DOCK9: variants seen among roughly 807,000 people sequenced by gnomAD.
The protein encoded by DOCK9 is dedicator of cytokinesis protein 9.
DOCK9 carries 89 observed loss-of-function variants against 263.3 expected under a neutral mutation model. That is an observed-to-expected ratio of 0.34 (90% confidence interval 0.28 to 0.40). The LOEUF (loss-of-function observed/expected upper bound fraction) is 0.40, where lower values mean the gene tolerates loss of function less well. Among genes scored for constraint, DOCK9 ranks in the 10% least tolerant of loss-of-function variants. The pLI, the probability that DOCK9 is intolerant of heterozygous loss-of-function variation, is 1.00. For missense variants in DOCK9, 2,140 were observed against 2,603.4 expected (o/e 0.82, Z 3.87); for synonymous variants, 976 against 973.1 (o/e 1.00, Z -0.06).
intron 1 of DOCK9, chr13:99,015,878 T>C (rs1885331805): frequency 1.3e-6 from 1 of 785,202 alleles, no homozygotes; most frequent in Non-Finnish European, 1.6e-6. Context: ...AAAGTATCGT[T>C]TTTCTAGCTG....
At chr13:98,974,067 C>CT (rs1249135140) in intron 1 of DOCK9, among the ~76,000 whole-genome samples, 5 of 152,050 alleles carry the variant, frequency 3.3e-5, no homozygotes, top group Admixed American at 6.6e-5. Flanking sequence ...ATAACCCAGC[C>CT]TTTTTTGGCA....
At position 98,882,805 on chromosome 13, in the gene DOCK9, AACAGT is replaced by A. The variant is rs141941559; in HGVS notation, c.2559+232_2559+236del. Among the ~76,000 whole-genome samples the A allele has an allele frequency of 3.1e-3, 479 of 152,302 alleles. 2 individuals carry two copies. Among genetic ancestry groups the A allele is most frequent in the African/African-American group, 0.011 (454 of 41,548 alleles). On this transcript the variant is annotated intron_variant, in intron 23 of 52. Transcript: ENST00000682017. ...AGTGAGGGGTTTTCCATGCGTGAGAAACAGTATGTTTTAGAGATCCTGCCTTGAGC... is the reference window on the plus strand; with the variant it reads ...AGTGAGGGGTTTTCCATGCGTGAGAAATGTTTTAGAGATCCTGCCTTGAGC...
chr13:98,871,566 T>C (rs988741503), intron 27 of DOCK9, among the ~76,000 whole-genome samples: 6 of 152,210 alleles, frequency 3.9e-5, no homozygotes, highest in African/African-American at 7.2e-5. Context: ...ACCTAAGCAA[T>C]AGAATGTTTT....
At chr13:98,937,051 A>G (rs1365402262) in intron 2 of DOCK9, among the ~76,000 whole-genome samples, 3 of 152,212 alleles carry the variant, frequency 2.0e-5, no homozygotes, top group African/African-American at 7.2e-5. Flanking sequence ...TATTTCTGCT[A>G]AAAGATAGGT....
At chr13:98,837,681 A>G (rs950655427) in intron 38 of DOCK9, 72 bp from the exon 39 acceptor site, 1 of 972,758 alleles carries the variant, frequency 1.0e-6, no homozygotes, top group Non-Finnish European at 1.5e-6. Flanking sequence ...CGGTAGGCAC[A>G]GTCAACTTTT....
At chr13:99,069,870 T>C (rs1261617845) in intron 1 of DOCK9, among the ~76,000 whole-genome samples, 1 of 152,252 alleles carries the variant, frequency 6.6e-6, no homozygotes, top group Non-Finnish European at 1.5e-5. Context: ...TCTGCCATCT[T>C]GCCAGGAAAA....
At chr13:98,849,213 C>G (rs897797229) in intron 36 of DOCK9, among the ~76,000 whole-genome samples, 1 of 152,036 alleles carries the variant, frequency 6.6e-6, no homozygotes, top group African/African-American at 2.4e-5. Context: ...GCCTTTAACT[C>G]AGCAGAGGTC....
intron 1 of DOCK9, among the ~76,000 whole-genome samples, chr13:99,026,072 G>A (rs548144041): frequency 2.6e-5 from 1 of 38,578 alleles, no homozygotes; most frequent in East Asian, 1.1e-3. Context: ...GCGAGACTCC[G>A]TCTCAAAAAA....
Position 98,977,777 on chromosome 13 carries a change from C to G in DOCK9, c.126+7G>C. The G allele has an allele frequency of 6.2e-7, 1 of 1,611,688 alleles. No homozygotes were observed. On this transcript the variant is annotated splice_region_variant and intron_variant, in intron 1 of 52. Coordinates refer to ENST00000682017, the MANE Select transcript of DOCK9 (RefSeq NM_001366683.2). ...ACACAGCAACACTTTGTACGAGACC[C>G]TCTTACCGGCACAGGGCCCGGGCTC...
intron 2 of DOCK9, among the ~76,000 whole-genome samples, chr13:98,931,368 A>T (rs1260395263): frequency 6.7e-6 from 1 of 149,844 alleles, no homozygotes; most frequent in Non-Finnish European, 1.5e-5. Context: ...GCGCAATCTC[A>T]GCTCACTGCC....
At chr13:99,032,522 A>G (rs1271271837) in intron 1 of DOCK9, among the ~76,000 whole-genome samples, 2 of 151,824 alleles carry the variant, frequency 1.3e-5, no homozygotes, top group Admixed American at 6.6e-5. Flanking sequence ...TCATTCAAAT[A>G]TACGCACCCC....
Position 98,880,630 on chromosome 13 carries a change from T to C in DOCK9, c.2788A>G (p.Thr930Ala), listed in dbSNP as rs199775507. 40 of 1,613,922 alleles carry C rather than the reference T, an allele frequency of 2.5e-5. No individual in the cohort carries two copies. In the African/African-American group the frequency reaches 5.2e-4, roughly 21 times the overall value. ...AEPYVASEYK[T>A]VHEELTKSMT... ...GATTTGGTCAGTTCTTCATGCACTG[T>C]CTTGTATTCAGAGGCAACATATGGC... Residue 930 changes from threonine (T) to alanine (A), a missense_variant, in exon 26 of 53, where the codon ACA (threonine) becomes GCA (alanine). Coordinates refer to ENST00000682017, the MANE Select transcript of DOCK9 (RefSeq NM_001366683.2).
chr13:98,886,992 C>T (rs1435880244), intron 18 of DOCK9, among the ~76,000 whole-genome samples: 4 of 151,848 alleles, frequency 2.6e-5, no homozygotes, highest in Non-Finnish European at 5.9e-5. Context: ...TTCCATGTGT[C>T]CCCTCAGCAT....
Position 98,888,621 on chromosome 13 carries a change from C to A in DOCK9, c.1789+11G>T, listed in dbSNP as rs1448159542. On this transcript the variant is annotated intron_variant, in intron 16 of 52. Transcript: ENST00000682017. Reference sequence around the variant, plus strand: ...TAAAAATTCTGTCTATTATGTAGAACTGACACTTACTAGGGAAGTCTGAGG... The same window carrying A: ...TAAAAATTCTGTCTATTATGTAGAAATGACACTTACTAGGGAAGTCTGAGG... 2 of 1,613,254 alleles carry A rather than the reference C, an allele frequency of 1.2e-6. No individual in the cohort carries two copies. Among genetic ancestry groups the A allele is most frequent in the African/African-American group, 2.7e-5 (2 of 74,898 alleles).
At chr13:98,966,870 C>T (rs1297676068) in intron 1 of DOCK9, among the ~76,000 whole-genome samples, 3 of 152,170 alleles carry the variant, frequency 2.0e-5, no homozygotes, top group African/African-American at 7.2e-5. Context: ...TTCATTACAT[C>T]AGTACAATGG....
In DOCK9 at chr13:98,832,158, T is replaced by C. The variant is rs142988938; in HGVS notation, c.4315-372A>G. 1.7e-3 allele frequency: 320 copies of C among 193,814 alleles called. 12 individuals carry two copies. The South Asian group carries it at 0.037, about 23-fold the overall frequency. 12.0% of individuals were successfully genotyped at this position (193,814 alleles called of 1,614,324 possible). On this transcript the variant is annotated intron_variant, in intron 39 of 52. Coordinates refer to ENST00000682017, the MANE Select transcript of DOCK9 (RefSeq NM_001366683.2). ...TGCCATCACAGGTATGCGATAATTA[T>C]AGATGGGAAAAAGTACTCAAGTAAG...
At chr13:98,865,830 C>T (rs1389051743) in intron 30 of DOCK9, among the ~76,000 whole-genome samples, 1 of 152,026 alleles carries the variant, frequency 6.6e-6, no homozygotes, top group Non-Finnish European at 1.5e-5. Flanking sequence ...CCCTGGGAGG[C>T]CCCATGCAGG....
At chr13:98,828,741 G>A (rs2092645395) in intron 43 of DOCK9, among the ~76,000 whole-genome samples, 5 of 152,174 alleles carry the variant, frequency 3.3e-5, no homozygotes, top group Admixed American at 3.3e-4. Context: ...TTGAGCAATA[G>A]AGGGGTTAAA....
chr13:98,849,464 T>G (rs1161980278), intron 36 of DOCK9, among the ~76,000 whole-genome samples: 2 of 151,896 alleles, frequency 1.3e-5, no homozygotes, highest in African/African-American at 4.8e-5. Flanking sequence ...AGAGAGATGC[T>G]GCTGGGATGT....
Sources: allele counts gnomAD v4.1 joint callset (sites outside exome capture counted in the v4.1 genomes callset), GRCh38; gene constraint gnomAD v4.1.1; transcripts MANE v1.5; gene names NCBI Gene and HGNC (gene_info 2026-07-23, HGNC 2026-07-21).